The following LIMS1 variants were observed in gnomAD, a reference collection of about 807,000 sequenced individuals.
LIMS1 encodes the protein LIM and senescent cell antigen-like-containing domain protein 1.
A neutral mutation model predicts 44.1 loss-of-function variants in LIMS1; 18 were observed. The ratio of observed to expected loss-of-function variants is 0.41; its 90% confidence interval spans 0.28 to 0.61. The LOEUF is 0.61. LIMS1 is among the 20% of genes least tolerant of loss of function. The pLI, the probability that LIMS1 is intolerant of heterozygous loss-of-function variation, is 0.32. For missense variants in LIMS1, 201 were observed against 422.0 expected, an observed-to-expected ratio of 0.48 and a Z score of 4.59; for synonymous variants, 93 against 149.1, an observed-to-expected ratio of 0.62 and a Z score of 2.74.
intron 1 of LIMS1, among the ~76,000 whole-genome samples, chr2:108,630,235 AGAC>A (rs1688831992): frequency 6.6e-6 from 1 of 151,696 alleles, no homozygotes; most frequent in Non-Finnish European, 1.5e-5. Flanking sequence ...GAAAACCAGA[AGAC>A]AGCCTGCCTC....
chr2:108,551,890 TATAC>T (rs1354761486), intron 1 of LIMS1, among the ~76,000 whole-genome samples: 4 of 144,556 alleles, frequency 2.8e-5, no homozygotes, highest in African/African-American at 1.0e-4. Context: ...TATATGTGTA[TATAC>T]ATGTATATAT....
chr2:108,607,533 A>C (rs1481195440), intron 1 of LIMS1, among the ~76,000 whole-genome samples: 4 of 152,186 alleles, frequency 2.6e-5, no homozygotes, highest in Non-Finnish European at 4.4e-5. Flanking sequence ...TTTACAAGTG[A>C]AATTATTAAT....
intron 1 of LIMS1, among the ~76,000 whole-genome samples, chr2:108,656,384 C>T (rs1267205400): frequency 3.3e-5 from 5 of 152,014 alleles, no homozygotes; most frequent in Admixed American, 2.0e-4. Context: ...TTGTCATCAA[C>T]ACTTTTTACT....
intron 1 of LIMS1, among the ~76,000 whole-genome samples, chr2:108,596,551 G>T (rs1203542629): frequency 2.0e-5 from 3 of 152,250 alleles, no homozygotes; most frequent in African/African-American, 7.2e-5. Flanking sequence ...TGTTGGCCGG[G>T]CATGGCACAC....
intron 1 of LIMS1, among the ~76,000 whole-genome samples, chr2:108,570,726 G>A (rs79801683): frequency 2.1e-3 from 318 of 152,274 alleles, no homozygotes; most frequent in Non-Finnish European, 4.0e-3. Context: ...GGAGGAGTTA[G>A]CAAGGGAGAG....
chr2:108,535,448 G>C (rs1327851665), intron 1 of LIMS1, among the ~76,000 whole-genome samples: 7 of 152,178 alleles, frequency 4.6e-5, no homozygotes, highest in Non-Finnish European at 8.8e-5. Context: ...TGCAGCTAAA[G>C]CTCCTGTCAG....
At chr2:108,590,391 A>G (rs188127674) in intron 1 of LIMS1, among the ~76,000 whole-genome samples, 89 of 152,386 alleles carry the variant, frequency 5.8e-4, no homozygotes, top group Admixed American at 1.3e-3. Flanking sequence ...CTTTTAGTTG[A>G]TAAAAAGGGT....
At chr2:108,562,849 G>A (rs1178240552) in intron 1 of LIMS1, among the ~76,000 whole-genome samples, 1 of 152,210 alleles carries the variant, frequency 6.6e-6, no homozygotes, top group East Asian at 1.9e-4. Context: ...GGCTGGAGAG[G>A]GGAAGTGAAT....
intron 1 of LIMS1, among the ~76,000 whole-genome samples, chr2:108,613,543 G>A (rs1231608804): frequency 6.6e-6 from 1 of 151,942 alleles, no homozygotes; most frequent in Non-Finnish European, 1.5e-5. Flanking sequence ...TGTTCTCTCT[G>A]TCACCACCCT....
intron 2 of LIMS1, chr2:108,662,121 G>A (rs1356210711): frequency 1.3e-5 from 21 of 1,604,528 alleles, no homozygotes; most frequent in Non-Finnish European, 1.7e-5. Flanking sequence ...GACAGGCTTT[G>A]TTTTTCCAGA....
intron 1 of LIMS1, among the ~76,000 whole-genome samples, chr2:108,632,222 T>A (rs1558818813): frequency 6.6e-6 from 1 of 152,198 alleles, no homozygotes; most frequent in Non-Finnish European, 1.5e-5. Flanking sequence ...CCACCTGCCT[T>A]GGCCTCCCAA....
intron 1 of LIMS1, chr2:108,588,270 GAA>G (rs11323095): frequency 5.4e-4 from 436 of 800,954 alleles, no homozygotes; most frequent in South Asian, 5.9e-4. Flanking sequence ...CTAAATACAG[GAA>G]AAAAAAAAAC....
chr2:108,625,513 C>A (rs1314257126), intron 1 of LIMS1, among the ~76,000 whole-genome samples: 1 of 152,182 alleles, frequency 6.6e-6, no homozygotes, highest in Non-Finnish European at 1.5e-5. Flanking sequence ...CTCTCACCTC[C>A]CAGTTAGGTT....
rs151218684 is a variant in LIMS1 at position 108,631,713 on chromosome 2, C to T, written c.33-27892C>T. Among the ~76,000 whole-genome samples the T allele has an allele frequency of 4.5e-3, 678 of 152,254 alleles. 4 individuals are homozygous for T. Among genetic ancestry groups the T allele is most frequent in the South Asian group, 0.014 (68 of 4,822 alleles). On this transcript the variant is annotated intron_variant, in intron 1 of 9. Coordinates refer to ENST00000544547, the Ensembl canonical transcript of LIMS1. Reference sequence around the variant, plus strand: ...GTCACACAGACTCCAGGCTGTGATGCGTACGGCATCCATGTTCTGGAGGGT... The same window carrying T: ...GTCACACAGACTCCAGGCTGTGATGTGTACGGCATCCATGTTCTGGAGGGT...
At chr2:108,597,693 CT>C (rs10693112) in intron 1 of LIMS1, among the ~76,000 whole-genome samples, 21,226 of 108,504 alleles carry the variant, frequency 0.2, 1,257 homozygotes, top group African/African-American at 0.34. Flanking sequence ...AGCAAAAATG[CT>C]TTTTTTTTTT....
intron 1 of LIMS1, among the ~76,000 whole-genome samples, chr2:108,557,971 G>C (rs1432086410): frequency 6.6e-6 from 1 of 152,210 alleles, no homozygotes; most frequent in Non-Finnish European, 1.5e-5. Context: ...AAGGCTGAAT[G>C]TATGAAGGGG....
chr2:108,616,597 C>T (rs1047991286), intron 1 of LIMS1, among the ~76,000 whole-genome samples: 5 of 152,228 alleles, frequency 3.3e-5, no homozygotes, highest in African/African-American at 1.2e-4. Flanking sequence ...TTCAGAGGGG[C>T]TTGTAGACAG....
chr2:108,685,967 A>T (rs1693274180), exon 10 of LIMS1: 1 of 152,200 alleles, frequency 6.6e-6, no homozygotes, highest in Middle Eastern at 3.2e-3. Context: ...TTTACATATC[A>T]GGCATACCCA....
chr2:108,579,197 ATCTAT>A (rs1685793178), intron 1 of LIMS1, among the ~76,000 whole-genome samples: 1 of 152,200 alleles, frequency 6.6e-6, no homozygotes, highest in African/African-American at 2.4e-5. Flanking sequence ...ATTTTAAAAA[ATCTAT>A]TCTGTAGCCC....
Sources: allele counts gnomAD v4.1 joint callset (sites outside exome capture counted in the v4.1 genomes callset), GRCh38; gene constraint gnomAD v4.1.1; transcripts MANE v1.5; gene names NCBI Gene and HGNC (gene_info 2026-07-23, HGNC 2026-07-21).